The following DNM3 variants were observed in gnomAD, a reference collection of about 807,000 sequenced individuals.
DNM3 encodes the protein dynamin 3, also known as dynamin-3.
DNM3 carries 47 observed loss-of-function variants against 101.6 expected under a neutral mutation model. The observed-to-expected ratio is 0.46, with a 90% CI of 0.37 to 0.59. The LOEUF (loss-of-function observed/expected upper bound fraction) is 0.59. Among genes scored for constraint, DNM3 ranks in the 20% least tolerant of loss-of-function variants. The pLI, the probability that DNM3 is intolerant of heterozygous loss-of-function variation, is 0.00. For missense variants in DNM3, 849 were observed against 1,085.7 expected (o/e 0.78, Z 3.06); for synonymous variants, 385 against 387.9 (o/e 0.99, Z 0.09).
intron 16 of DNM3, among the ~76,000 whole-genome samples, chr1:172,313,183 G>T (rs1426469444): frequency 1.3e-5 from 2 of 152,110 alleles, no homozygotes; most frequent in Admixed American, 1.3e-4. Context: ...TGTAAAATTT[G>T]ATATCATTAA....
rs11330467 is a variant in DNM3, at chr1:172,210,314, C to CTTTT, written c.1660-43238_1660-43235dup. ...AGGTAATTAAGAGTAAGAGAGCGTG[C>CTTTT]TTTTTTTTTTTTTTTTTTTTTTTTG... is the stretch of plus-strand genomic sequence containing the variant. On this transcript the variant is annotated intron_variant, in intron 14 of 20. Transcript: ENST00000627582. 2.1e-4 allele frequency among the ~76,000 whole-genome samples: 18 copies of CTTTT among 84,882 alleles called. 1 individual carries two copies. The highest frequency in any genetic ancestry group is 4.2e-4 in the African/African-American group (11 of 26,050). 55.7% of individuals were successfully genotyped at this position (84,882 alleles called of 152,430 possible). A position where few individuals can be genotyped will look rare whatever the true frequency, so the allele number is the denominator to read the frequency against.
In DNM3 at chr1:171,987,804, C is replaced by A; in HGVS notation, c.384C>A (p.His128Gln). 2 of 1,543,312 alleles carry A rather than the reference C, an allele frequency of 1.3e-6. No individual in the cohort carries two copies. The highest frequency in any genetic ancestry group is 1.7e-6 in the Non-Finnish European group (2 of 1,151,226). The change falls in exon 3 of 21, where the codon CAC becomes CAA. Residue 128 changes from histidine to glutamine, a missense_variant and splice_region_variant. This residue lies in a region of DNM3 where 388 missense variants were observed against 483.0 expected (regional missense o/e 0.80). Coordinates refer to ENST00000627582, the MANE Select transcript of DNM3 (RefSeq NM_015569.5). ...TTAATTTACGAGTCTATTCCCCACACGGTAAGTAAAATAATAAAATTCCAA... is the reference window on the plus strand; with the variant it reads ...TTAATTTACGAGTCTATTCCCCACAAGGTAAGTAAAATAATAAAATTCCAA... ...IPINLRVYSP[H>Q]VLNLTLIDLP...
intron 8 of DNM3, among the ~76,000 whole-genome samples, chr1:172,043,125 C>G (rs1294819304): frequency 6.6e-6 from 1 of 152,044 alleles, no homozygotes; most frequent in Non-Finnish European, 1.5e-5. Flanking sequence ...TAAAAGTGCC[C>G]CAGCAAGAAA....
At chr1:171,877,361 C>T (rs888909968) in intron 1 of DNM3, among the ~76,000 whole-genome samples, 6 of 152,272 alleles carry the variant, frequency 3.9e-5, no homozygotes, top group South Asian at 2.1e-4. Flanking sequence ...AAGAATTCTC[C>T]TTAACCTCTC....
At chr1:172,214,589 A>G (rs2060628411) in intron 14 of DNM3, among the ~76,000 whole-genome samples, 1 of 152,148 alleles carries the variant, frequency 6.6e-6, no homozygotes, top group Non-Finnish European at 1.5e-5. Context: ...ATAATTAGAT[A>G]TGTTTGGGAT....
Position 172,349,019 on chromosome 1 carries a change from C to T in DNM3, c.1893+25679C>T, listed in dbSNP as rs556004655. Among the ~76,000 whole-genome samples the T allele has an allele frequency of 7.2e-5, 11 of 152,234 alleles. No individual in the cohort carries two copies. The South Asian group carries it at 8.3e-4, about 11-fold the overall frequency. ...ACCTAAGGTGTCCTAAACAGAGCACCTTCTCTGGCAACCTTCTGAGACCAC... is the reference window on the plus strand; with the variant it reads ...ACCTAAGGTGTCCTAAACAGAGCACTTTCTCTGGCAACCTTCTGAGACCAC... On this transcript the variant is annotated intron_variant, in intron 17 of 20. Coordinates refer to ENST00000627582, the MANE Select transcript of DNM3 (RefSeq NM_015569.5).
At position 172,051,963 on chromosome 1, in the gene DNM3, A is replaced by C. The variant is rs896226546; in HGVS notation, c.1335+3213A>C. 7.2e-5 allele frequency among the ~76,000 whole-genome samples: 11 copies of C among 152,076 alleles called. 1 individual carries two copies. The highest frequency in any genetic ancestry group is 1.5e-4 in the Non-Finnish European group (10 of 68,012). On this transcript the variant is annotated intron_variant, in intron 10 of 20. Transcript: ENST00000627582. Reference sequence around the variant, plus strand: ...TATTTGTGTGAACTGGTGCCCCAATATATTCATGGTCTTCTTCTTAGTCCA... The same window carrying C: ...TATTTGTGTGAACTGGTGCCCCAATCTATTCATGGTCTTCTTCTTAGTCCA...
intron 14 of DNM3, among the ~76,000 whole-genome samples, chr1:172,169,823 A>G (rs2058883458): frequency 6.6e-6 from 1 of 151,898 alleles, no homozygotes; most frequent in Non-Finnish European, 1.5e-5. Context: ...TAATAACTAA[A>G]AAATGGTTTG....
At chr1:171,992,665 T>C (rs1307962404) in intron 4 of DNM3, among the ~76,000 whole-genome samples, 1 of 152,026 alleles carries the variant, frequency 6.6e-6, no homozygotes. Context: ...AGTTTTTATA[T>C]CCTATATATG....
chr1:172,366,797 G>A (rs1447153315), intron 17 of DNM3, among the ~76,000 whole-genome samples: 1 of 151,646 alleles, frequency 6.6e-6, no homozygotes, highest in African/African-American at 2.4e-5. Flanking sequence ...TTTTAAACTT[G>A]AAGGTGACTA....
chr1:172,061,290 C>T (rs1212185523), intron 10 of DNM3, among the ~76,000 whole-genome samples: 2 of 145,596 alleles, frequency 1.4e-5, no homozygotes, highest in Non-Finnish European at 3.0e-5. Flanking sequence ...GTCAGTGTGG[C>T]GATTCCTCAG....
At chr1:172,254,873 C>A (rs2062337003) in intron 15 of DNM3, among the ~76,000 whole-genome samples, 1 of 151,966 alleles carries the variant, frequency 6.6e-6, no homozygotes, top group South Asian at 2.1e-4. Flanking sequence ...TAGGAAAAAG[C>A]TAATTAAAAT....
chr1:172,023,516 A>G (rs1182645271), intron 4 of DNM3, among the ~76,000 whole-genome samples: 1 of 152,156 alleles, frequency 6.6e-6, no homozygotes, highest in Non-Finnish European at 1.5e-5. Flanking sequence ...TGCTAGGAAG[A>G]CTGATGCTAT....
At chr1:172,031,223 A>T (rs2048583175) in intron 4 of DNM3, among the ~76,000 whole-genome samples, 1 of 152,192 alleles carries the variant, frequency 6.6e-6, no homozygotes, top group African/African-American at 2.4e-5. Context: ...ATGTAGCCAT[A>T]AAAAGGAATG....
intron 2 of DNM3, among the ~76,000 whole-genome samples, chr1:171,981,938 G>A (rs2044831487): frequency 6.6e-6 from 1 of 152,116 alleles, no homozygotes; most frequent in African/African-American, 2.4e-5. Flanking sequence ...GTATGACTTT[G>A]TGGCTAGGAG....
At chr1:172,107,734 AT>A (rs1190058171) in intron 13 of DNM3, among the ~76,000 whole-genome samples, 1 of 152,126 alleles carries the variant, frequency 6.6e-6, no homozygotes, top group African/African-American at 2.4e-5. Flanking sequence ...CTCTTTTGTT[AT>A]TTTTGTTCAT....
chr1:171,850,718 C>T (rs1334253936), intron 1 of DNM3, among the ~76,000 whole-genome samples: 3 of 150,790 alleles, frequency 2.0e-5, no homozygotes, highest in Non-Finnish European at 4.4e-5. Flanking sequence ...TGTGTGGGTA[C>T]TTGATTTGAA....
At chr1:171,948,877 A>G (rs1362004452) in intron 2 of DNM3, among the ~76,000 whole-genome samples, 1 of 152,178 alleles carries the variant, frequency 6.6e-6, no homozygotes, top group Non-Finnish European at 1.5e-5. Flanking sequence ...AAGAGTTCTG[A>G]AAAAATGCAG....
At chr1:171,910,168 T>C (rs1223373380) in intron 1 of DNM3, among the ~76,000 whole-genome samples, 1 of 152,232 alleles carries the variant, frequency 6.6e-6, no homozygotes, top group African/African-American at 2.4e-5. Flanking sequence ...TAAGTGTTTA[T>C]GTTGATATAT....
Sources: gnomAD v4.1 joint callset for allele counts (sites outside exome capture counted in the v4.1 genomes callset) on GRCh38, gnomAD v4.1.1 for gene constraint, gnomAD v4.1.1 regional missense constraint, MANE v1.5 for transcripts, NCBI Gene and HGNC (gene_info 2026-07-23, HGNC 2026-07-21) for gene names.